The following DNAJB12 variants were observed in gnomAD, a reference collection of about 807,000 sequenced individuals.
DNAJB12 encodes the protein DnaJ heat shock protein family (Hsp40) member B12.
A neutral mutation model predicts 40.6 loss-of-function variants in DNAJB12; 14 were observed. That is an observed-to-expected ratio of 0.34 (90% CI 0.23 to 0.54). The LOEUF is 0.54. Ranked by LOEUF, DNAJB12 falls within the 20% of genes least tolerant of loss-of-function variation. The pLI is 0.92. For missense variants in DNAJB12, 444 were observed against 501.7 expected (o/e 0.89, Z 1.10); for synonymous variants, 181 against 199.5 (o/e 0.91, Z 0.78).
rs540850685 is a variant in DNAJB12, at chr10:72,335,113, G to A, written c.*31-496C>T. On this transcript the variant is annotated intron_variant, in intron 8 of 8. Transcript: ENST00000444643. The surrounding 1 kb of genome is among the most constrained non-coding windows in gnomAD (Gnocchi z 4.4). ...GCAGGCGAGATGCCTGGGCAAGGCC[G>A]GATGCCTGTGGCTTCCAGGCTGCCA... is the stretch of plus-strand genomic sequence containing the variant. The A allele has an allele frequency of 2.2e-5, 22 of 990,026 alleles. No individual in the cohort carries two copies. The highest frequency in any genetic ancestry group is 1.8e-4 in the South Asian group (4 of 21,942). The allele number at this position is 990,026 out of a possible 1,614,324, so 61.3% of individuals were successfully genotyped here.
chr10:72,336,751 C>G, intron 6 of DNAJB12, 55 bp from the exon 7 acceptor site: 1 of 1,525,992 alleles, frequency 6.6e-7, no homozygotes, highest in East Asian at 2.3e-5. Flanking sequence ...CCAGGGCACT[C>G]TAGGGGTATG....
chr10:72,346,620 C>T (rs1177971620), intron 1 of DNAJB12, among the ~76,000 whole-genome samples: 2 of 150,962 alleles, frequency 1.3e-5, no homozygotes, highest in Admixed American at 6.6e-5. Flanking sequence ...CCACCGTGCC[C>T]GGCCTAATTT....
intron 6 of DNAJB12, among the ~76,000 whole-genome samples, chr10:72,337,466 G>C (rs1261258824): frequency 6.6e-6 from 1 of 152,246 alleles, no homozygotes; most frequent in East Asian, 1.9e-4. Context: ...ACATCAGTGA[G>C]GGGAGCTGAC....
At chr10:72,334,969 G>A (rs946844178) in intron 8 of DNAJB12, 3 of 1,129,242 alleles carry the variant, frequency 2.7e-6, no homozygotes, top group African/African-American at 3.3e-5. Flanking sequence ...GCCCCCATTC[G>A]CCGGGCTGCA....
intron 5 of DNAJB12, among the ~76,000 whole-genome samples, chr10:72,339,798 C>T (rs1290338823): frequency 6.6e-6 from 1 of 150,952 alleles, no homozygotes; most frequent in Non-Finnish European, 1.5e-5. Flanking sequence ...AACACAACCT[C>T]TGCCTCCTGG....
rs1861434248 is a variant in DNAJB12, at chr10:72,335,147, G to A, written c.*31-530C>T. On this transcript the variant is annotated intron_variant, in intron 8 of 8. Coordinates refer to ENST00000444643, the MANE Select transcript of DNAJB12 (RefSeq NM_017626.7). This position sits in a 1 kb window ranked among gnomAD's most constrained non-coding sequence, Gnocchi z 4.4. ...TGGCTTCCAGGCTGCCAGGTGTGAC[G>A]GCATTCGAGAGAGTGCCTCAGATCC... is the stretch of plus-strand genomic sequence containing the variant. 4.0e-6 allele frequency: 4 copies of A among 988,556 alleles called. No individual in the cohort carries two copies. Among genetic ancestry groups the A allele is most frequent in the African/African-American group, 1.7e-5 (1 of 57,436 alleles). The allele number at this position is 988,556 out of a possible 1,614,324, so 61.2% of individuals were successfully genotyped here.
intron 1 of DNAJB12, among the ~76,000 whole-genome samples, chr10:72,348,194 C>T (rs912491850): frequency 1.3e-5 from 2 of 152,218 alleles, no homozygotes; most frequent in African/African-American, 4.8e-5. Flanking sequence ...TGCACTCCAG[C>T]CTGGGCAACA....
Position 72,344,968 on chromosome 10 carries a change from T to G in DNAJB12, c.293A>C (p.Gln98Pro), listed in dbSNP as rs756491388. ...GESTKGYTAE[Q>P]VAAVKRVKQC... ...CATCTACCTTTTCACAGCTGCAACC[T>G]GTTCTGCAGTGTAGCCTTTGGTGCT... Residue 98 changes from glutamine (Q) to proline (P), a missense_variant, in exon 2 of 9, where the codon CAG becomes CCG. Coordinates refer to ENST00000444643, the MANE Select transcript of DNAJB12 (RefSeq NM_017626.7). 1.2e-6 allele frequency: 2 copies of G among 1,614,210 alleles called. No individual in the cohort carries two copies. The highest frequency in any genetic ancestry group is 2.2e-5 in the South Asian group (2 of 91,086).
At chr10:72,348,789 A>G (rs1255482014) in intron 1 of DNAJB12, among the ~76,000 whole-genome samples, 4 of 152,138 alleles carry the variant, frequency 2.6e-5, no homozygotes, top group East Asian at 1.9e-4. Context: ...AGCAACAATC[A>G]TTTTTCTTAC....
intron 5 of DNAJB12, 63 bp downstream of exon 5, chr10:72,340,725 AG>A (rs1301406333): frequency 6.6e-7 from 1 of 1,525,426 alleles, no homozygotes; most frequent in East Asian, 2.3e-5. Context: ...CCCTCCTCCA[AG>A]CCCCCTCCCT....
At chr10:72,336,336 C>G (rs1861472753) in intron 7 of DNAJB12, among the ~76,000 whole-genome samples, 188 bp downstream of exon 7, 1 of 152,242 alleles carries the variant, frequency 6.6e-6, no homozygotes, top group Non-Finnish European at 1.5e-5. Flanking sequence ...CAGGTGGCCC[C>G]TGGCTCCCAG....
chr10:72,346,337 T>G (rs1353768493), intron 1 of DNAJB12, among the ~76,000 whole-genome samples: 1 of 152,028 alleles, frequency 6.6e-6, no homozygotes, highest in Non-Finnish European at 1.5e-5. Flanking sequence ...CTAATTTTTT[T>G]TTTTTTGACA....
At chr10:72,345,718 CA>C (rs201701636) in intron 1 of DNAJB12, among the ~76,000 whole-genome samples, 104 of 140,532 alleles carry the variant, frequency 7.4e-4, no homozygotes, top group African/African-American at 1.6e-3. Flanking sequence ...ACTAAAAATA[CA>C]AAAAAAAAAA....
chr10:72,344,945 T>A lies in DNAJB12; in HGVS notation c.311+5A>T. ...CCAGGCTCCAGCCCCTGCCCACCCA[T>A]CTACCTTTTCACAGCTGCAACCTGT... On this transcript the variant is annotated splice_donor_5th_base_variant and intron_variant, in intron 2 of 8. Coordinates refer to ENST00000444643, the MANE Select transcript of DNAJB12 (RefSeq NM_017626.7). The A allele has an allele frequency of 6.2e-7, 1 of 1,614,132 alleles. No individual in the cohort carries two copies. Among genetic ancestry groups the A allele is most frequent in the Non-Finnish European group, 8.5e-7 (1 of 1,180,000 alleles).
chr10:72,336,365 G>C (rs1258364490), intron 7 of DNAJB12, among the ~76,000 whole-genome samples, 159 bp downstream of exon 7: 11 of 152,228 alleles, frequency 7.2e-5, no homozygotes, highest in South Asian at 6.2e-4. Context: ...AAACACAGGA[G>C]TGGAGACCAG....
intron 8 of DNAJB12, chr10:72,334,907 T>C (rs1879471): frequency 1 from 1,233,976 of 1,234,272 alleles, 616,841 homozygotes; most frequent in African/African-American, 1. Flanking sequence ...CACACTTCTC[T>C]GGGCTTGGCT....
At chr10:72,343,540 G>A (rs1425013527) in intron 2 of DNAJB12, 29 bp from the exon 3 acceptor site, 2 of 1,613,322 alleles carry the variant, frequency 1.2e-6, no homozygotes, top group African/African-American at 2.7e-5. Flanking sequence ...ATGGTACGGG[G>A]TGCTCTACAT....
chr10:72,336,004 G>T, intron 7 of DNAJB12, 73 bp from the exon 8 acceptor site: 1 of 1,580,654 alleles, frequency 6.3e-7, no homozygotes, highest in Non-Finnish European at 8.6e-7. Flanking sequence ...TGCGAGGGCT[G>T]TGGAGGGCGG....
chr10:72,340,910 G>C (rs772151900), intron 4 of DNAJB12, 42 bp from the exon 5 acceptor site: 21 of 1,610,592 alleles, frequency 1.3e-5, no homozygotes, highest in African/African-American at 2.7e-5. Flanking sequence ...GGTCTGTTGG[G>C]AAAGGGAGAG....
Sources: gnomAD v4.1 joint callset for allele counts (sites outside exome capture counted in the v4.1 genomes callset) on GRCh38, gnomAD v4.1.1 for gene constraint, Gnocchi (gnomAD v3.1) non-coding constraint, MANE v1.5 for transcripts, NCBI Gene and HGNC (gene_info 2026-07-23, HGNC 2026-07-21) for gene names.